The following PTPRT variants were observed in gnomAD, a reference collection of about 807,000 sequenced individuals.
PTPRT encodes the protein receptor-type tyrosine-protein phosphatase T.
A neutral mutation model predicts 176.8 loss-of-function variants in PTPRT; 56 were observed. The observed-to-expected ratio is 0.32, with a 90% CI of 0.26 to 0.40. PTPRT has a LOEUF of 0.40. Ranked by LOEUF, PTPRT falls within the 10% of genes least tolerant of loss-of-function variation. The probability of loss-of-function intolerance (pLI) is 1.00; values close to 1 mark genes in which losing one functional copy is unlikely to be tolerated. For synonymous variants in PTPRT, 783 were observed against 739.0 expected (o/e 1.06, Z -0.96); for missense variants, 1,540 against 1,908.2 (o/e 0.81, Z 3.60).
the PTPRT span, among the ~76,000 whole-genome samples, chr20:42,051,077 T>G: frequency 8.7e-4 from 132 of 152,306 alleles, 1 homozygote; most frequent in African/African-American, 3.0e-3. Context: ...TACAAGATGC[T>G]GAGAGATGCA....
At chr20:42,592,862 G>A (rs2073604632) in intron 7 of PTPRT, among the ~76,000 whole-genome samples, 1 of 152,202 alleles carries the variant, frequency 6.6e-6, no homozygotes, top group Non-Finnish European at 1.5e-5. Context: ...TTAGCTGACA[G>A]GAGAGGCAGC....
chr20:42,260,117 A>G (rs534856668), intron 13 of PTPRT, among the ~76,000 whole-genome samples: 3 of 152,366 alleles, frequency 2.0e-5, no homozygotes, highest in Admixed American at 6.5e-5. Context: ...ATGGGCACCA[A>G]CACAGAAGTG....
At chr20:43,175,542 G>A (rs1176445494) in intron 1 of PTPRT, among the ~76,000 whole-genome samples, 6 of 151,688 alleles carry the variant, frequency 4.0e-5, no homozygotes, top group Admixed American at 6.6e-5. Flanking sequence ...ACAAGACTCC[G>A]GGCTCTGACT....
At chr20:42,276,975 G>T (rs1311622100) in intron 13 of PTPRT, among the ~76,000 whole-genome samples, 1 of 152,126 alleles carries the variant, frequency 6.6e-6, no homozygotes, top group Non-Finnish European at 1.5e-5. Context: ...TATGGGAAAA[G>T]GAGAGGAAAA....
chr20:42,886,543 T>C (rs2079106282), intron 1 of PTPRT, among the ~76,000 whole-genome samples: 1 of 152,224 alleles, frequency 6.6e-6, no homozygotes, highest in East Asian at 1.9e-4. Context: ...TGAAAAATCA[T>C]TTTTCATGGA....
chr20:43,165,456 C>T (rs1252634903), intron 1 of PTPRT, among the ~76,000 whole-genome samples: 1 of 152,220 alleles, frequency 6.6e-6, no homozygotes, highest in East Asian at 1.9e-4. Context: ...AGCCACCACA[C>T]CCACCCCTGC....
chr20:42,261,416 T>C (rs1269220372), intron 13 of PTPRT, among the ~76,000 whole-genome samples: 1 of 147,646 alleles, frequency 6.8e-6, no homozygotes, highest in Non-Finnish European at 1.5e-5. Flanking sequence ...TTAAATAAGG[T>C]TCCACTCACA....
chr20:42,779,853 T>G (rs1226509569), intron 4 of PTPRT, among the ~76,000 whole-genome samples: 2 of 151,904 alleles, frequency 1.3e-5, no homozygotes, highest in East Asian at 3.9e-4. Flanking sequence ...TGGTGTGTTT[T>G]TTTTTTTTTA....
At chr20:42,101,110 C>T (rs1169569784) in intron 26 of PTPRT, among the ~76,000 whole-genome samples, 1 of 152,212 alleles carries the variant, frequency 6.6e-6, no homozygotes, top group Non-Finnish European at 1.5e-5. Context: ...TGGATGTGAA[C>T]TCAGATGGGC....
At chr20:43,186,284 C>T (rs1033978359) in intron 1 of PTPRT, among the ~76,000 whole-genome samples, 2 of 152,214 alleles carry the variant, frequency 1.3e-5, no homozygotes, top group Admixed American at 1.3e-4. Flanking sequence ...CTTCAGATGC[C>T]AAAGCTCATA....
At chr20:43,078,090 C>T (rs1194377275) in intron 1 of PTPRT, among the ~76,000 whole-genome samples, 2 of 152,210 alleles carry the variant, frequency 1.3e-5, no homozygotes, top group Admixed American at 6.5e-5. Context: ...GTATCTCTCT[C>T]CATCTCGGTT....
intron 2 of PTPRT, among the ~76,000 whole-genome samples, chr20:42,873,963 T>C (rs2145831981): frequency 6.6e-6 from 1 of 152,238 alleles, no homozygotes; most frequent in Admixed American, 6.5e-5. Flanking sequence ...CAAATTACTA[T>C]AATAGCCAAA....
intron 9 of PTPRT, among the ~76,000 whole-genome samples, chr20:42,390,177 C>A (rs1242078522): frequency 7.2e-5 from 11 of 152,092 alleles, no homozygotes; most frequent in Non-Finnish European, 1.6e-4. Flanking sequence ...GAAACCCTGT[C>A]ACTACAAAAA....
intron 1 of PTPRT, among the ~76,000 whole-genome samples, chr20:42,986,068 G>A (rs930182650): frequency 2.0e-5 from 3 of 152,164 alleles, no homozygotes; most frequent in Admixed American, 1.3e-4. Context: ...CATCTCTATC[G>A]ATCATTCATT....
intron 6 of PTPRT, among the ~76,000 whole-genome samples, chr20:42,715,570 G>A (rs777582578): frequency 6.6e-6 from 1 of 152,116 alleles, no homozygotes; most frequent in Non-Finnish European, 1.5e-5. Flanking sequence ...AAGAGTCCTT[G>A]AATATAAAAG....
chr20:42,733,191 A>T (rs1334991853), intron 6 of PTPRT, among the ~76,000 whole-genome samples: 1 of 152,206 alleles, frequency 6.6e-6, no homozygotes, highest in Non-Finnish European at 1.5e-5. Flanking sequence ...ACATTCTGAC[A>T]TCTGCATGGA....
At chr20:42,512,886 T>C (rs1358816428) in intron 7 of PTPRT, among the ~76,000 whole-genome samples, 1 of 152,046 alleles carries the variant, frequency 6.6e-6, no homozygotes, top group Non-Finnish European at 1.5e-5. Flanking sequence ...TGAGACAGAG[T>C]TTCGCTCTTG....
chr20:42,087,515 G>A (rs893891564), intron 27 of PTPRT, among the ~76,000 whole-genome samples: 2 of 150,102 alleles, frequency 1.3e-5, no homozygotes, highest in African/African-American at 4.9e-5. Flanking sequence ...CCAAAGTGCC[G>A]GGATTACAGG....
intron 6 of PTPRT, among the ~76,000 whole-genome samples, chr20:42,738,614 G>A (rs2076568890): frequency 6.6e-6 from 1 of 152,058 alleles, no homozygotes; most frequent in South Asian, 2.1e-4. Flanking sequence ...AATAGTCGAA[G>A]CCCTGATCCA....
Sources: gnomAD v4.1 joint callset for allele counts (sites outside exome capture counted in the v4.1 genomes callset) on GRCh38, gnomAD v4.1.1 for gene constraint, MANE v1.5 for transcripts, NCBI Gene and HGNC (gene_info 2026-07-23, HGNC 2026-07-21) for gene names.